RFC5: variants seen among roughly 807,000 people sequenced by gnomAD.
RFC5 encodes replication factor C subunit 5, also known as A1 36 kDa subunit.
A neutral mutation model predicts 44.3 loss-of-function variants in RFC5; 26 were observed. The ratio of observed to expected loss-of-function variants is 0.59; its 90% CI spans 0.43 to 0.81. The LOEUF is 0.81. Among genes scored for constraint, RFC5 ranks in the 40% least tolerant of loss-of-function variants. RFC5 has a pLI of 0.00. For missense variants in RFC5, 328 were observed against 418.6 expected (o/e 0.78, Z 1.89); for synonymous variants, 155 against 155.2 (o/e 1.00, Z 0.01).
At chr12:118,027,905 GTA>G (rs1390468256) in intron 8 of RFC5, 46 bp from the exon 9 acceptor site, 2 of 1,173,570 alleles carry the variant, frequency 1.7e-6, no homozygotes, top group Non-Finnish European at 2.6e-6. Context: ...ATTCTCTGCA[GTA>G]TGTTTGTTCT....
downstream of RFC5, chr12:118,038,039 G>A (rs145867861): frequency 2.4e-3 from 892 of 370,288 alleles, no homozygotes; most frequent in Non-Finnish European, 3.2e-3. Context: ...AAAAGCAATT[G>A]TTTTCCCATT....
chr12:118,035,281 T>C, downstream of RFC5: 1 of 1,614,196 alleles, frequency 6.2e-7, no homozygotes, highest in Non-Finnish European at 8.5e-7. Flanking sequence ...AGTGAGCTAA[T>C]GTGGACGTCA....
chr12:118,038,167 C>T, the RFC5 span: 1 of 880,128 alleles, frequency 1.1e-6, no homozygotes, highest in South Asian at 2.0e-5. Flanking sequence ...GGCCATGGCC[C>T]ACCAGCATGC....
chr12:118,025,126 A>AG, intron 6 of RFC5, 116 bp downstream of exon 6: 3 of 876,292 alleles, frequency 3.4e-6, no homozygotes, highest in Non-Finnish European at 5.2e-6. Flanking sequence ...CAGAGTGCCT[A>AG]GCACAGGGGA....
At chr12:118,029,954 T>C (rs993698971) in intron 10 of RFC5, 129 bp downstream of exon 10, 2 of 728,094 alleles carry the variant, frequency 2.7e-6, no homozygotes, top group Admixed American at 4.1e-5. Context: ...TCTAGTCTGG[T>C]GATATTGAAT....
At chr12:118,020,046 T>C (rs950395716) in intron 3 of RFC5, among the ~76,000 whole-genome samples, 1 of 152,218 alleles carries the variant, frequency 6.6e-6, no homozygotes, top group Non-Finnish European at 1.5e-5. Context: ...TTGCTGCCTG[T>C]CTGCCATGGC....
chr12:118,034,574 G>GCTCTCTCTCTCTCTCTCTCTCTCTCTCT (rs368693869), downstream of RFC5: 2,367 of 528,644 alleles, frequency 4.5e-3, 23 homozygotes, highest in Non-Finnish European at 5.1e-3. Context: ...ATACCAAAGC[G>GCTCTCTCTCTCTCTCTCTCTCTCTCTCT]CTCTCTCTGT....
At chr12:118,028,483 C>CA (rs768496355) in intron 9 of RFC5, among the ~76,000 whole-genome samples, 9,972 of 124,924 alleles carry the variant, frequency 0.08, 409 homozygotes, top group Non-Finnish European at 0.095. Context: ...GAGTTTGTCT[C>CA]AAAAAAAAAA....
chr12:118,034,614 T>G, downstream of RFC5: 1 of 509,604 alleles, frequency 2.0e-6, no homozygotes, highest in Non-Finnish European at 3.4e-6. Context: ...TTTCTAAATC[T>G]GACCACAGTT....
At position 118,031,425 on chromosome 12, in the gene RFC5, G is replaced by A. The variant is rs1593457076; in HGVS notation, c.*147G>A. On this transcript the variant is annotated 3_prime_UTR_variant, in exon 11 of 11. Coordinates refer to ENST00000454402, the MANE Select transcript of RFC5 (RefSeq NM_007370.7). ...ACCCCCTTCCAGGAGAGGATGGGCA[G>A]GCATTTAAAAAGTACCATTTTTGTG... 1.2e-5 allele frequency: 6 copies of A among 516,056 alleles called. No individual in the cohort carries two copies. In the East Asian group the frequency reaches 1.8e-4, roughly 16 times the overall value. 32.0% of individuals were successfully genotyped at this position (516,056 alleles called of 1,614,324 possible).
chr12:118,026,369 G>A (rs186155931), intron 7 of RFC5, among the ~76,000 whole-genome samples: 85 of 152,232 alleles, frequency 5.6e-4, no homozygotes, highest in African/African-American at 1.6e-3. Context: ...TAGGGATGCC[G>A]AGGGAGGTGG....
At chr12:118,024,340 C>CAAAA (rs369599555) in intron 5 of RFC5, among the ~76,000 whole-genome samples, 66 of 142,994 alleles carry the variant, frequency 4.6e-4, no homozygotes, top group African/African-American at 1.7e-3. Context: ...GACTCTGTTT[C>CAAAA]AAAAAAGAAA....
intron 5 of RFC5, among the ~76,000 whole-genome samples, chr12:118,022,878 T>A (rs1360237000): frequency 6.6e-6 from 1 of 152,196 alleles, no homozygotes; most frequent in East Asian, 1.9e-4. Context: ...GTCTCCCATC[T>A]AATGACACAG....
the RFC5 span, among the ~76,000 whole-genome samples, chr12:118,041,261 A>G: frequency 6.6e-6 from 1 of 152,156 alleles, no homozygotes; most frequent in South Asian, 2.1e-4. Flanking sequence ...AGCCTCAGGA[A>G]TGGGATTAGT....
chr12:118,025,162 C>T, intron 6 of RFC5, 152 bp downstream of exon 6: 1 of 583,364 alleles, frequency 1.7e-6, no homozygotes, highest in South Asian at 2.5e-5. Flanking sequence ...CCACTGCTAT[C>T]ATTTTCTCTG....
intron 1 of RFC5, chr12:118,018,022 A>T (rs976904437): frequency 1.4e-6 from 1 of 701,708 alleles, no homozygotes. Context: ...TCTGCTTTCT[A>T]TCTATGGATT....
chr12:118,019,542 T>C lies in RFC5; in HGVS notation c.131-90T>C. On this transcript the variant is annotated intron_variant, in intron 2 of 10. Coordinates refer to ENST00000454402, the MANE Select transcript of RFC5 (RefSeq NM_007370.7). The surrounding 1 kb of genome is among the most constrained non-coding windows in gnomAD (Gnocchi z 4.2). ...CCTCTGATTTGGACATTGAATTGGG[T>C]TGAAGAGCTTTCAGCCCAACTCAGG... is the stretch of plus-strand genomic sequence containing the variant. The C allele has an allele frequency of 2.1e-6, 3 of 1,446,852 alleles. No homozygotes were observed. The highest frequency in any genetic ancestry group is 2.9e-6 in the Non-Finnish European group (3 of 1,044,776). The allele number at this position is 1,446,852 out of a possible 1,614,324, so 89.6% of individuals were successfully genotyped here.
chr12:118,031,305 C>T lies in RFC5; in HGVS notation c.*27C>T, dbSNP rs5745891. ...TGCTCTGAGGGCCATTCACAATTCT[C>T]AGGGCTCAGCAGTGATGGGAGAACA... On this transcript the variant is annotated 3_prime_UTR_variant, in exon 11 of 11. Coordinates refer to ENST00000454402, the MANE Select transcript of RFC5 (RefSeq NM_007370.7). 7 of 1,433,674 alleles carry T rather than the reference C, an allele frequency of 4.9e-6. No homozygotes were observed. The South Asian group carries it at 8.1e-5, about 16-fold the overall frequency. 88.8% of individuals were successfully genotyped at this position (1,433,674 alleles called of 1,614,324 possible). A position where few individuals can be genotyped will look rare whatever the true frequency, so the allele number is the denominator to read the frequency against.
At chr12:118,027,909 G>C (rs558564129) in intron 8 of RFC5, 44 bp from the exon 9 acceptor site, 1 of 1,239,962 alleles carries the variant, frequency 8.1e-7, no homozygotes, top group East Asian at 2.3e-5. Context: ...TCTGCAGTAT[G>C]TTTGTTCTGG....
Sources: gnomAD v4.1 joint callset for allele counts (sites outside exome capture counted in the v4.1 genomes callset) on GRCh38, gnomAD v4.1.1 for gene constraint, Gnocchi (gnomAD v3.1) non-coding constraint, MANE v1.5 for transcripts, NCBI Gene and HGNC (gene_info 2026-07-23, HGNC 2026-07-21) for gene names.